RALGPS1: variants seen among roughly 807,000 people sequenced by gnomAD.
The protein encoded by RALGPS1 is Ral GEF with PH domain and SH3 binding motif 1.
Under a neutral mutation model 78.8 loss-of-function variants are expected in RALGPS1, and 19 were observed. The observed-to-expected ratio is 0.24, with a 90% CI of 0.17 to 0.35. The LOEUF (loss-of-function observed/expected upper bound fraction) is 0.35, where lower values mean the gene tolerates loss of function less well. Among genes scored for constraint, RALGPS1 ranks in the 10% least tolerant of loss-of-function variants. The probability of loss-of-function intolerance (pLI) is 1.00; values close to 1 mark genes in which losing one functional copy is unlikely to be tolerated. For missense variants in RALGPS1, 454 were observed against 688.3 expected, an observed-to-expected ratio of 0.66 and a Z score of 3.81; for synonymous variants, 228 against 256.3, an observed-to-expected ratio of 0.89 and a Z score of 1.06.
intron 1 of RALGPS1, among the ~76,000 whole-genome samples, chr9:126,935,458 C>T (rs1046839943): frequency 6.6e-6 from 1 of 152,180 alleles, no homozygotes; most frequent in Non-Finnish European, 1.5e-5. Flanking sequence ...GGAACAGCCA[C>T]AACAAATGTT....
intron 4 of RALGPS1, among the ~76,000 whole-genome samples, chr9:127,029,872 G>A (rs2046277527): frequency 6.6e-6 from 1 of 152,234 alleles, no homozygotes; most frequent in African/African-American, 2.4e-5. Context: ...CCGGCAGCTA[G>A]TGGAGTGAGC....
chr9:126,916,636 G>C (rs901472451), intron 1 of RALGPS1, among the ~76,000 whole-genome samples: 1 of 152,180 alleles, frequency 6.6e-6, no homozygotes, highest in Admixed American at 6.5e-5. Context: ...ACAAAAGTCA[G>C]CCGGGCATGG....
intron 4 of RALGPS1, among the ~76,000 whole-genome samples, chr9:126,984,979 T>C (rs547892421): frequency 3.3e-5 from 5 of 152,366 alleles, no homozygotes; most frequent in Admixed American, 1.3e-4. Flanking sequence ...CATGAGTTCA[T>C]AGTTAGGGTA....
rs184964402 is a variant in RALGPS1 at position 127,069,210 on chromosome 9, A to C, written c.484-20A>C. 236 of 1,586,880 alleles carry C rather than the reference A, an allele frequency of 1.5e-4. No individual in the cohort carries two copies. The African/African-American group carries it at 2.9e-3, about 19-fold the overall frequency. Reference sequence around the variant, plus strand: ...CTTCTTCTGGTTTACTTATTTTGCTATATTTTCTTCTCATTCTAGCTTTTA... The same window carrying C: ...CTTCTTCTGGTTTACTTATTTTGCTCTATTTTCTTCTCATTCTAGCTTTTA... On this transcript the variant is annotated intron_variant, in intron 7 of 18. Coordinates refer to ENST00000259351, the MANE Select transcript of RALGPS1 (RefSeq NM_014636.3).
intron 1 of RALGPS1, among the ~76,000 whole-genome samples, chr9:126,957,673 T>G (rs2038470373): frequency 6.6e-6 from 1 of 152,186 alleles, no homozygotes; most frequent in Admixed American, 6.5e-5. Context: ...ACTTTTAGTC[T>G]CAGTTTTTGG....
intron 1 of RALGPS1, among the ~76,000 whole-genome samples, chr9:126,949,805 C>T (rs1011681159): frequency 6.6e-5 from 10 of 151,540 alleles, no homozygotes; most frequent in Admixed American, 5.2e-4. Flanking sequence ...TGTGCAGAAG[C>T]TCTTTAGTTT....
rs1369935820 is a variant in RALGPS1, at chr9:127,183,451, C to G, written c.910+8669C>G. 1.3e-5 allele frequency among the ~76,000 whole-genome samples: 2 copies of G among 152,184 alleles called. No homozygotes were observed. The highest frequency in any genetic ancestry group is 2.9e-5 in the Non-Finnish European group (2 of 68,030). ...CCAGCCCTCAACTCTGCCAGCTTTC[C>G]TCACATGGGCCACCTCGGTCCACAG... On this transcript the variant is annotated intron_variant, in intron 11 of 18. Coordinates refer to ENST00000259351, the MANE Select transcript of RALGPS1 (RefSeq NM_014636.3). This position sits in a 1 kb window ranked among gnomAD's most constrained non-coding sequence, Gnocchi z 4.0.
intron 4 of RALGPS1, among the ~76,000 whole-genome samples, chr9:127,024,094 T>C (rs2045748380): frequency 6.7e-6 from 1 of 150,102 alleles, no homozygotes; most frequent in Non-Finnish European, 1.5e-5. Flanking sequence ...AACTGTGTGT[T>C]ATTTATAAAT....
At chr9:127,061,803 A>G (rs1338884441) in intron 7 of RALGPS1, among the ~76,000 whole-genome samples, 1 of 152,198 alleles carries the variant, frequency 6.6e-6, no homozygotes, top group Non-Finnish European at 1.5e-5. Context: ...CAGGTTGAAC[A>G]AATGAGATGT....
chr9:126,940,597 T>C (rs753712048), intron 1 of RALGPS1, among the ~76,000 whole-genome samples: 1 of 152,114 alleles, frequency 6.6e-6, no homozygotes, highest in Non-Finnish European at 1.5e-5. Flanking sequence ...CCCGCCACCA[T>C]GCCCAGCTAA....
intron 7 of RALGPS1, among the ~76,000 whole-genome samples, chr9:127,068,386 G>T (rs1466579218): frequency 1.3e-5 from 2 of 152,154 alleles, no homozygotes; most frequent in Admixed American, 6.5e-5. Context: ...AAGAGACCTG[G>T]TGTAGCTGTG....
At chr9:127,089,275 TG>T in intron 8 of RALGPS1, 1 of 869,210 alleles carries the variant, frequency 1.2e-6, no homozygotes, top group Non-Finnish European at 1.8e-6. Flanking sequence ...CCCGTCTCCA[TG>T]GGTGGTGAGA....
At chr9:127,200,568 T>A (rs1423062494) in intron 14 of RALGPS1, among the ~76,000 whole-genome samples, 1 of 152,272 alleles carries the variant, frequency 6.6e-6, no homozygotes, top group East Asian at 1.9e-4. Flanking sequence ...TCAGTCAGTC[T>A]GTCTGCCTGT....
intron 8 of RALGPS1, among the ~76,000 whole-genome samples, chr9:127,082,109 G>A (rs1368425316): frequency 2.0e-5 from 3 of 152,218 alleles, no homozygotes; most frequent in Non-Finnish European, 1.5e-5. Flanking sequence ...TGGAAGCATG[G>A]ATATGGGAGG....
chr9:127,098,795 A>G (rs1391993139), intron 8 of RALGPS1, among the ~76,000 whole-genome samples: 2 of 152,140 alleles, frequency 1.3e-5, no homozygotes, highest in Non-Finnish European at 2.9e-5. Context: ...CTTTCTGGTC[A>G]AGCTGAGTTA....
intron 3 of RALGPS1, among the ~76,000 whole-genome samples, chr9:126,972,822 G>C (rs534401055): frequency 1.3e-5 from 2 of 152,322 alleles, no homozygotes; most frequent in East Asian, 3.9e-4. Flanking sequence ...CCAACACTTT[G>C]GGAGGCTGAG....
chr9:127,069,090 T>A, intron 7 of RALGPS1, 140 bp from the exon 8 acceptor site: 1 of 849,372 alleles, frequency 1.2e-6, no homozygotes, highest in Non-Finnish European at 1.7e-6. Context: ...AACAGCCTTT[T>A]AAAATCCTTA....
intron 3 of RALGPS1, among the ~76,000 whole-genome samples, chr9:126,974,853 C>G (rs767697033): frequency 1.3e-5 from 2 of 151,498 alleles, no homozygotes; most frequent in African/African-American, 2.4e-5. Flanking sequence ...CTCCAGGAAA[C>G]CAAGGTACCT....
At chr9:126,992,731 ATGT>A (rs1476139878) in intron 4 of RALGPS1, among the ~76,000 whole-genome samples, 1 of 152,222 alleles carries the variant, frequency 6.6e-6, no homozygotes, top group Non-Finnish European at 1.5e-5. Context: ...TATTTTAGTA[ATGT>A]TGTGTAGTTT....
Sources: gnomAD v4.1 joint callset for allele counts (sites outside exome capture counted in the v4.1 genomes callset) on GRCh38, gnomAD v4.1.1 for gene constraint, Gnocchi (gnomAD v3.1) non-coding constraint, MANE v1.5 for transcripts, NCBI Gene and HGNC (gene_info 2026-07-23, HGNC 2026-07-21) for gene names.